Variants in EYS observed in about 807,000 individuals in gnomAD.
EYS encodes the protein EGF-like photoreceptor maintenance factor.
In EYS, 250 loss-of-function variants were observed where a neutral mutation model predicts 282.1. That is an observed-to-expected ratio of 0.89 (90% confidence interval 0.80 to 0.98). The LOEUF (loss-of-function observed/expected upper bound fraction) is 0.98. EYS is among the 50% of genes least tolerant of loss of function. The pLI, the probability that EYS is intolerant of heterozygous loss-of-function variation, is 0.00. For missense variants in EYS, 4,016 were observed against 3,709.0 expected (o/e 1.08, Z -2.15); for synonymous variants, 1,355 against 1,282.9 (o/e 1.06, Z -1.20).
At chr6:65,000,681 G>A (rs1771434354) in intron 13 of EYS, among the ~76,000 whole-genome samples, 1 of 152,180 alleles carries the variant, frequency 6.6e-6, no homozygotes, top group Non-Finnish European at 1.5e-5. Flanking sequence ...GGGAAGCTGA[G>A]GCAGGACAAT....
chr6:65,106,290 T>G (rs1296157107), intron 12 of EYS, among the ~76,000 whole-genome samples: 1 of 152,020 alleles, frequency 6.6e-6, no homozygotes, highest in Non-Finnish European at 1.5e-5. Flanking sequence ...ATTATAAAAA[T>G]TTCTTCCTAT....
chr6:64,837,543 C>G (rs1422860912), intron 19 of EYS, among the ~76,000 whole-genome samples: 1 of 149,016 alleles, frequency 6.7e-6, no homozygotes, highest in Non-Finnish European at 1.5e-5. Flanking sequence ...TCAAATTGTC[C>G]CATTGTCCCT....
At chr6:63,799,883 G>A (rs1162335541) in intron 37 of EYS, among the ~76,000 whole-genome samples, 1 of 152,212 alleles carries the variant, frequency 6.6e-6, no homozygotes, top group African/African-American at 2.4e-5. Context: ...AAGAGGACTA[G>A]GGCAGGAATT....
intron 23 of EYS, among the ~76,000 whole-genome samples, chr6:64,622,018 C>A (rs1309287656): frequency 6.6e-6 from 1 of 152,130 alleles, no homozygotes; most frequent in Non-Finnish European, 1.5e-5. Flanking sequence ...CATCTGAATA[C>A]CTATATTGAT....
chr6:64,657,610 A>C (rs1768797769), intron 22 of EYS, among the ~76,000 whole-genome samples: 1 of 152,090 alleles, frequency 6.6e-6, no homozygotes, highest in Non-Finnish European at 1.5e-5. Flanking sequence ...TCCTTCACTT[A>C]TGAAGCTTAG....
intron 18 of EYS, among the ~76,000 whole-genome samples, chr6:64,901,137 A>G (rs1767646856): frequency 1.3e-5 from 2 of 151,866 alleles, no homozygotes; most frequent in South Asian, 4.1e-4. Flanking sequence ...AACTAACACA[A>G]GAACAGAAAA....
rs186935641 is a variant in EYS, at chr6:65,093,780, A to G, written c.2024-36053T>C. Among the ~76,000 whole-genome samples the G allele has an allele frequency of 2.1e-3, 319 of 151,970 alleles. 2 individuals are homozygous for G. Among genetic ancestry groups the G allele is most frequent in the African/African-American group, 7.3e-3 (304 of 41,554 alleles). ...ATTTTAATTAAAAGTCCTCACTTAC[A>G]ATAATTACTTTGAATATAAATGAAT... On this transcript the variant is annotated intron_variant, in intron 12 of 42. Coordinates refer to ENST00000503581, the MANE Select transcript of EYS (RefSeq NM_001142800.2).
intron 33 of EYS, among the ~76,000 whole-genome samples, chr6:64,056,669 T>A (rs546423932): frequency 6.6e-5 from 10 of 152,300 alleles, no homozygotes; most frequent in African/African-American, 2.4e-4. Context: ...TTTGGTATTT[T>A]ATTCCTTGGG....
intron 33 of EYS, 95 bp downstream of exon 33, chr6:64,066,243 G>T (rs932697077): frequency 3.7e-6 from 4 of 1,091,216 alleles, no homozygotes; most frequent in Admixed American, 2.6e-5. Flanking sequence ...ACACCACTGC[G>T]CTCCAGACTG....
chr6:64,508,656 T>C (rs1444702365), intron 26 of EYS, among the ~76,000 whole-genome samples: 1 of 151,124 alleles, frequency 6.6e-6, no homozygotes, highest in Non-Finnish European at 1.5e-5. Context: ...TCAATCTTGT[T>C]GGTCTCAGGA....
At chr6:64,196,521 T>G (rs1405544587) in intron 31 of EYS, among the ~76,000 whole-genome samples, 2 of 152,050 alleles carry the variant, frequency 1.3e-5, no homozygotes, top group African/African-American at 2.4e-5. Flanking sequence ...TAGACTGGAT[T>G]AAGAAAATGT....
intron 29 of EYS, among the ~76,000 whole-genome samples, chr6:64,336,149 G>T (rs1326388045): frequency 1.3e-5 from 2 of 152,078 alleles, no homozygotes; most frequent in Non-Finnish European, 2.9e-5. Context: ...TACTAACATT[G>T]AATGTAAATG....
intron 26 of EYS, among the ~76,000 whole-genome samples, chr6:64,487,763 T>C (rs976887359): frequency 1.3e-5 from 2 of 150,864 alleles, no homozygotes; most frequent in African/African-American, 2.4e-5. Context: ...TGTAAAGGTG[T>C]ACCTACAGCA....
chr6:65,533,956 A>G (rs2127312064), intron 2 of EYS, among the ~76,000 whole-genome samples: 1 of 152,196 alleles, frequency 6.6e-6, no homozygotes, highest in Admixed American at 6.5e-5. Context: ...GTAGTGATAG[A>G]CAATAACATT....
At chr6:64,762,240 T>C (rs1472955037) in intron 22 of EYS, among the ~76,000 whole-genome samples, 2 of 152,214 alleles carry the variant, frequency 1.3e-5, no homozygotes, top group African/African-American at 4.8e-5. Flanking sequence ...TTGTCATTTG[T>C]AATGGTTGTC....
chr6:64,351,460 C>T (rs1255519014), intron 29 of EYS, among the ~76,000 whole-genome samples: 1 of 151,396 alleles, frequency 6.6e-6, no homozygotes, highest in Non-Finnish European at 1.5e-5. Flanking sequence ...AATCATCTAT[C>T]TACTTGTATC....
At chr6:64,450,854 A>T (rs1316486234) in intron 26 of EYS, among the ~76,000 whole-genome samples, 1 of 152,228 alleles carries the variant, frequency 6.6e-6, no homozygotes, top group Non-Finnish European at 1.5e-5. Flanking sequence ...ACACATTCAA[A>T]GCAGTGTATA....
chr6:65,285,082 ATGGAAGCTTTCAAAGTGAT>A (rs1456038171), intron 12 of EYS, among the ~76,000 whole-genome samples: 1 of 151,974 alleles, frequency 6.6e-6, no homozygotes, highest in Admixed American at 6.6e-5. Flanking sequence ...ATGACATGTA[ATGGAAGCTTTCAAAGTGAT>A]TGTTGATACG....
intron 14 of EYS, among the ~76,000 whole-genome samples, chr6:64,948,627 C>CTAGTATTAAA (rs529113879): frequency 6.9e-6 from 1 of 145,522 alleles, no homozygotes; most frequent in African/African-American, 2.5e-5. Flanking sequence ...ATAGTAAATA[C>CTAGTATTAAA]TAGTATTAAA....
Sources: gnomAD v4.1 joint callset for allele counts (sites outside exome capture counted in the v4.1 genomes callset) on GRCh38, gnomAD v4.1.1 for gene constraint, MANE v1.5 for transcripts, NCBI Gene and HGNC (gene_info 2026-07-23, HGNC 2026-07-21) for gene names.